GAB4: variants seen among roughly 807,000 people sequenced by gnomAD.
GAB4 encodes the protein GRB2 associated binding protein family member 4.
GAB4 carries 26 observed loss-of-function variants against 51.3 expected under a neutral mutation model. The observed-to-expected ratio is 0.51, with a 90% confidence interval of 0.37 to 0.70. GAB4 has a LOEUF of 0.70. GAB4 is among the 30% of genes least tolerant of loss of function. The pLI is 0.00. For missense variants in GAB4, 759 were observed against 734.6 expected, an observed-to-expected ratio of 1.03 and a Z score of -0.38; for synonymous variants, 329 against 291.2, an observed-to-expected ratio of 1.13 and a Z score of -1.32.
intron 2 of GAB4, 131 bp downstream of exon 2, chr22:16,991,742 A>G: frequency 1.3e-6 from 1 of 762,740 alleles, no homozygotes; most frequent in Non-Finnish European, 2.2e-6. Context: ...AGAAACACCA[A>G]AAATGCCTTT....
chr22:16,987,195 C>T (rs903279932), intron 3 of GAB4, among the ~76,000 whole-genome samples: 4 of 152,254 alleles, frequency 2.6e-5, no homozygotes, highest in Non-Finnish European at 5.9e-5. Context: ...AACTAACAAA[C>T]CAAGGAATGT....
Position 16,992,071 on chromosome 22 carries a change from T to C in GAB4, c.280A>G (p.Ile94Val). The C allele has an allele frequency of 6.2e-7, 1 of 1,614,224 alleles. No individual in the cohort carries two copies. Among genetic ancestry groups the C allele is most frequent in the Non-Finnish European group, 8.5e-7 (1 of 1,180,028 alleles). ...AGCTGCTCACAGAGGTTCAGGTTGA[T>C]GGTGCGCAGGGGCTTCTTGGAGCCA... ...NDGSKKPLRT[I>V]NLNLCEQLDV... Residue 94 changes from isoleucine (I) to valine (V), a missense_variant, in exon 2 of 10, where the codon ATC (isoleucine) becomes GTC (valine). Physicochemically the swap from Ile to Val is conservative, Grantham distance 29. Transcript: ENST00000400588.
At chr22:16,965,825 G>A (rs56349544) in intron 6 of GAB4, among the ~76,000 whole-genome samples, 16,172 of 152,216 alleles carry the variant, frequency 0.11, 956 homozygotes, top group Admixed American at 0.16. Context: ...TGGAACCTGA[G>A]CTCTAGCTCT....
chr22:16,995,373 T>C (rs1161872181), intron 1 of GAB4, among the ~76,000 whole-genome samples: 3 of 152,234 alleles, frequency 2.0e-5, no homozygotes, highest in Non-Finnish European at 4.4e-5. Flanking sequence ...TCTGCATCCA[T>C]GTTGTGTATC....
chr22:16,975,809 A>G (rs1343300437), intron 3 of GAB4, among the ~76,000 whole-genome samples: 6 of 152,206 alleles, frequency 3.9e-5, no homozygotes, highest in Admixed American at 3.9e-4. Context: ...CTTCCAGAGC[A>G]AGGAACAGGC....
At chr22:16,976,661 A>G (rs1435682042) in intron 3 of GAB4, among the ~76,000 whole-genome samples, 1 of 152,198 alleles carries the variant, frequency 6.6e-6, no homozygotes, top group Non-Finnish European at 1.5e-5. Context: ...TTCAGGAAAT[A>G]CAGAGAACAC....
At chr22:16,994,711 C>G (rs2123711676) in intron 1 of GAB4, among the ~76,000 whole-genome samples, 1 of 152,270 alleles carries the variant, frequency 6.6e-6, no homozygotes, top group East Asian at 1.9e-4. Flanking sequence ...CCTGTATATC[C>G]AATCATGTCT....
At position 17,008,095 on chromosome 22, in the gene GAB4, G is replaced by A. The variant is rs1198019735; in HGVS notation, c.20C>T (p.Ser7Leu). ...AGGTGGGCACAGCTCCCGGGAGGGT[G>A]AGGGGGACGGCAGGGACATGGGGGC... is the stretch of plus-strand genomic sequence containing the variant. MSLPSPSPSRELCPPDP... is the reference protein window; with the variant it reads MSLPSPLPSRELCPPDP... Residue 7 changes from serine to leucine, a missense_variant, in exon 1 of 10, where the codon TCA becomes TTA. Physicochemically the swap from Ser to Leu is moderately radical, Grantham distance 145. Transcript: ENST00000400588. 3.1e-6 allele frequency: 5 copies of A among 1,606,518 alleles called. No homozygotes were observed. The highest frequency in any genetic ancestry group is 1.3e-5 in the African/African-American group (1 of 74,798).
At chr22:16,977,204 G>A (rs148136828) in intron 3 of GAB4, among the ~76,000 whole-genome samples, 1,653 of 152,186 alleles carry the variant, frequency 0.011, 15 homozygotes, top group Non-Finnish European at 0.018. Flanking sequence ...GCTAAATGCC[G>A]CAATTAAAAG....
intron 3 of GAB4, among the ~76,000 whole-genome samples, chr22:16,979,181 G>A (rs1334117567): frequency 6.6e-6 from 1 of 152,150 alleles, no homozygotes; most frequent in Admixed American, 6.5e-5. Flanking sequence ...TCTGGCCAGG[G>A]CAATCAGTCA....
chr22:17,007,997 C>T lies in GAB4; in HGVS notation c.118G>A (p.Val40Met), dbSNP rs1160092305. The change falls in exon 1 of 10, where the codon GTG becomes ATG. Residue 40 changes from valine (V) to methionine (M), a missense_variant. Val to Met is a conservative substitution (Grantham distance 21). Around this residue, in one of 3 missense-constraint regions of GAB4, gnomAD observed 83 missense variants for 73.1 expected, o/e 1.14. Transcript: ENST00000400588. ...PAGGSTRSGHVLYSGWLRKSP... is the reference protein window; with the variant it reads ...PAGGSTRSGHMLYSGWLRKSP... The stretch of plus-strand genomic sequence containing the variant: ...TTCCTCAGCCAGCCGCTGTACAGCA[C>T]GTGGCCACTTCTCGTGCTTCCGCCG... The T allele has an allele frequency of 6.2e-7, 1 of 1,612,820 alleles. No individual in the cohort carries two copies. The highest frequency in any genetic ancestry group is 8.5e-7 in the Non-Finnish European group (1 of 1,179,640).
At position 16,991,964 on chromosome 22, in the gene GAB4, G is replaced by A; in HGVS notation, c.387C>T (p.Thr129=). ...CCCTGGTCTCAGCCACCAGGTAAAAGGTACGCTCACTGGTCTTGATGTCAA... is the reference window on the plus strand; with the variant it reads ...CCCTGGTCTCAGCCACCAGGTAAAAAGTACGCTCACTGGTCTTGATGTCAA... ...YMFDIKTSER[T]FYLVAETRED... is the part of the protein sequence containing the mutation. Residue 129 remains threonine, a synonymous_variant, in exon 2 of 10, where the codon ACC becomes ACT. Coordinates refer to ENST00000400588, the MANE Select transcript of GAB4 (RefSeq NM_001037814.1). 6.2e-7 allele frequency: 1 copy of A among 1,613,870 alleles called. No homozygotes were observed. Among genetic ancestry groups the A allele is most frequent in the Non-Finnish European group, 8.5e-7 (1 of 1,179,782 alleles).
intron 3 of GAB4, among the ~76,000 whole-genome samples, chr22:16,975,305 G>T (rs990978560): frequency 5.9e-5 from 9 of 152,178 alleles, no homozygotes; most frequent in African/African-American, 2.2e-4. Context: ...GTCAACCAGG[G>T]ACACTGAAGC....
chr22:16,972,618 A>G (rs933294468), intron 3 of GAB4, among the ~76,000 whole-genome samples: 2 of 152,052 alleles, frequency 1.3e-5, no homozygotes, highest in Non-Finnish European at 2.9e-5. Flanking sequence ...CCTGAAATCT[A>G]CTTCTCCTGA....
chr22:17,005,476 T>C (rs1240716412), intron 1 of GAB4, among the ~76,000 whole-genome samples: 1 of 152,224 alleles, frequency 6.6e-6, no homozygotes, highest in African/African-American at 2.4e-5. Flanking sequence ...ACCATTGACT[T>C]TCTTCACAGA....
At position 16,987,962 on chromosome 22, in the gene GAB4, T is replaced by G. The variant is rs376657256; in HGVS notation, c.684A>C (p.Ala228=). ...HQHASQRAEH[A]RSASFSQGSE... ...CACTGGCCATAGTAGCCCCCTACCT[T>G]GCATGTTCTGCTCTCTGGCTGGCGT... Residue 228 remains alanine, a splice_region_variant and synonymous_variant, in exon 3 of 10, where the codon GCA becomes GCC. Transcript: ENST00000400588. 1.3e-6 allele frequency: 2 copies of G among 1,596,802 alleles called. No homozygotes were observed.
chr22:16,988,280 C>G (rs184309697), intron 2 of GAB4, 113 bp from the exon 3 acceptor site: 6 of 742,614 alleles, frequency 8.1e-6, no homozygotes, highest in Non-Finnish European at 1.4e-5. Flanking sequence ...CTCTCACATG[C>G]CTGCCTCCTC....
At chr22:16,965,380 C>A (rs2060664260) in intron 6 of GAB4, 112 bp from the exon 7 acceptor site, 1 of 782,798 alleles carries the variant, frequency 1.3e-6, no homozygotes, top group Non-Finnish European at 2.2e-6. Context: ...ACCCAGTCCA[C>A]CCAGCTGTGT....
At chr22:17,000,182 T>A (rs1325988267) in intron 1 of GAB4, among the ~76,000 whole-genome samples, 1 of 152,196 alleles carries the variant, frequency 6.6e-6, no homozygotes, top group Non-Finnish European at 1.5e-5. Context: ...CTGAGTTCAA[T>A]TCCTGGATAC....
Sources: allele counts gnomAD v4.1 joint callset (sites outside exome capture counted in the v4.1 genomes callset), GRCh38; gene constraint gnomAD v4.1.1; regional missense constraint gnomAD v4.1.1; transcripts MANE v1.5; gene names NCBI Gene and HGNC (gene_info 2026-07-23, HGNC 2026-07-21).